The following RIT2 variants were observed in gnomAD, a reference collection of about 807,000 sequenced individuals.
RIT2 encodes Ras like without CAAX 2, also known as GTP-binding protein Rit2.
A neutral mutation model predicts 23.7 loss-of-function variants in RIT2; 24 were observed. The ratio of observed to expected loss-of-function variants is 1.01; its 90% CI spans 0.73 to 1.43. RIT2 has a LOEUF of 1.43. Ranked by LOEUF, RIT2 falls within the 40% of genes most tolerant of loss-of-function variation. The pLI, the probability that RIT2 is intolerant of heterozygous loss-of-function variation, is 0.00. For synonymous variants in RIT2, 107 were observed against 91.1 expected, an observed-to-expected ratio of 1.17 and a Z score of -0.99; for missense variants, 236 against 266.9, an observed-to-expected ratio of 0.88 and a Z score of 0.81.
chr18:43,095,405 G>A (rs765475314), intron 1 of RIT2, among the ~76,000 whole-genome samples: 102 of 151,526 alleles, frequency 6.7e-4, no homozygotes, highest in Non-Finnish European at 2.5e-4. Context: ...TTTTTGATGG[G>A]GTTAAAAAAT....
At chr18:42,962,144 A>T (rs1910107727) in intron 3 of RIT2, among the ~76,000 whole-genome samples, 1 of 152,202 alleles carries the variant, frequency 6.6e-6, no homozygotes, top group Non-Finnish European at 1.5e-5. Context: ...CCTGATATAA[A>T]ATAGTCAACC....
At position 42,855,519 on chromosome 18, in the gene RIT2, G is replaced by A. The variant is rs754264977; in HGVS notation, c.426+68053C>T. 9.2e-5 allele frequency among the ~76,000 whole-genome samples: 14 copies of A among 152,202 alleles called. No individual in the cohort carries two copies. The South Asian group carries it at 1.2e-3, about 14-fold the overall frequency. On this transcript the variant is annotated intron_variant, in intron 4 of 4. Transcript: ENST00000326695. The stretch of plus-strand genomic sequence containing the variant: ...AAAACCTGTAATGAGAACAGAAAAT[G>A]GAATAAATTCATCTATTCACTTGAC...
chr18:43,038,924 T>C (rs1912057387), intron 1 of RIT2, among the ~76,000 whole-genome samples: 1 of 152,106 alleles, frequency 6.6e-6, no homozygotes, highest in Non-Finnish European at 1.5e-5. Flanking sequence ...TCAAATTAGG[T>C]AACATTGACA....
chr18:43,025,664 A>G (rs1443260565), intron 2 of RIT2, among the ~76,000 whole-genome samples: 1 of 152,150 alleles, frequency 6.6e-6, no homozygotes, highest in Non-Finnish European at 1.5e-5. Flanking sequence ...AAATCATAAA[A>G]AAAGAAATCA....
rs55822140 is a variant in RIT2 at position 42,916,398 on chromosome 18, G to A, written c.426+7174C>T. The stretch of plus-strand genomic sequence containing the variant: ...AGCTCATAAACTGTGCAAAAAGGCA[G>A]GAATTTCTTCAAGGCTCTCTTAGGC... On this transcript the variant is annotated intron_variant, in intron 4 of 4. Transcript: ENST00000326695. Among the ~76,000 whole-genome samples, 1,004 of 152,174 alleles carry A rather than the reference G, an allele frequency of 6.6e-3. 9 individuals carry two copies. The highest frequency in any genetic ancestry group is 8.6e-3 in the Non-Finnish European group (588 of 67,988).
At chr18:42,933,252 A>C (rs953488141) in intron 3 of RIT2, among the ~76,000 whole-genome samples, 2 of 152,216 alleles carry the variant, frequency 1.3e-5, no homozygotes, top group African/African-American at 4.8e-5. Flanking sequence ...AATGAGGTAC[A>C]TCATCCTAGA....
At chr18:43,017,921 T>C (rs770927262) in intron 2 of RIT2, among the ~76,000 whole-genome samples, 24 of 152,084 alleles carry the variant, frequency 1.6e-4, no homozygotes, top group Non-Finnish European at 3.1e-4. Context: ...TCAGTAATTT[T>C]GGTGAATATA....
At chr18:43,008,803 C>T (rs1036561203) in intron 2 of RIT2, among the ~76,000 whole-genome samples, 1 of 151,360 alleles carries the variant, frequency 6.6e-6, no homozygotes, top group Non-Finnish European at 1.5e-5. Flanking sequence ...CCTTGATAAA[C>T]AAGATAATTT....
intron 2 of RIT2, among the ~76,000 whole-genome samples, chr18:42,998,122 C>G (rs1038589060): frequency 6.6e-6 from 1 of 152,052 alleles, no homozygotes; most frequent in Non-Finnish European, 1.5e-5. Flanking sequence ...TTTGTGTTCT[C>G]TTAATAAACC....
chr18:42,917,982 C>T (rs1908955850), intron 4 of RIT2, among the ~76,000 whole-genome samples: 1 of 152,138 alleles, frequency 6.6e-6, no homozygotes, highest in East Asian at 1.9e-4. Context: ...CTGCTCAGAA[C>T]TGTGTACACA....
intron 4 of RIT2, among the ~76,000 whole-genome samples, chr18:42,849,385 T>TG (rs1906989563): frequency 6.6e-6 from 1 of 152,206 alleles, no homozygotes; most frequent in Admixed American, 6.5e-5. Flanking sequence ...TAGAGTCAGA[T>TG]GACCTGGGTT....
At chr18:42,785,970 T>C in intron 4 of RIT2, among the ~76,000 whole-genome samples, 1 of 152,206 alleles carries the variant, frequency 6.6e-6, no homozygotes, top group East Asian at 1.9e-4. Context: ...TATATTATGC[T>C]ATGCCATAAT....
chr18:42,766,909 A>T (rs1007022739), intron 4 of RIT2, among the ~76,000 whole-genome samples: 1 of 152,202 alleles, frequency 6.6e-6, no homozygotes, highest in Admixed American at 6.5e-5. Flanking sequence ...TGCAGGCTCC[A>T]TGTGGTGTTG....
intron 3 of RIT2, among the ~76,000 whole-genome samples, chr18:42,954,167 C>A (rs1568038813): frequency 6.6e-6 from 1 of 151,958 alleles, no homozygotes. Context: ...CACTTGAGGT[C>A]AGGAGTTTGA....
intron 1 of RIT2, among the ~76,000 whole-genome samples, chr18:43,040,821 C>A (rs1912110728): frequency 6.6e-6 from 1 of 151,410 alleles, no homozygotes; most frequent in African/African-American, 2.4e-5. Context: ...ACTTTCCCCC[C>A]CAAAAAAAAA....
intron 1 of RIT2, among the ~76,000 whole-genome samples, chr18:43,050,361 C>A (rs566428565): frequency 6.6e-6 from 1 of 151,934 alleles, no homozygotes; most frequent in Admixed American, 6.6e-5. Flanking sequence ...AATCTACCAG[C>A]AAAAATGAAG....
chr18:43,075,625 T>C (rs2144340716), intron 1 of RIT2, among the ~76,000 whole-genome samples: 1 of 152,352 alleles, frequency 6.6e-6, no homozygotes, highest in Non-Finnish European at 1.5e-5. Flanking sequence ...TTTTCTTAAA[T>C]ATACTGCTTG....
At chr18:43,050,940 A>T (rs1912365946) in intron 1 of RIT2, among the ~76,000 whole-genome samples, 1 of 152,126 alleles carries the variant, frequency 6.6e-6, no homozygotes, top group Non-Finnish European at 1.5e-5. Flanking sequence ...ACTGGTAAAC[A>T]TAAGTAAGTG....
intron 1 of RIT2, among the ~76,000 whole-genome samples, chr18:43,038,975 T>C (rs1912059144): frequency 6.6e-6 from 1 of 152,166 alleles, no homozygotes; most frequent in African/African-American, 2.4e-5. Context: ...ATATTGTTTC[T>C]CTTTGTTTTC....
Sources: gnomAD v4.1 joint callset for allele counts (sites outside exome capture counted in the v4.1 genomes callset) on GRCh38, gnomAD v4.1.1 for gene constraint, MANE v1.5 for transcripts, NCBI Gene and HGNC (gene_info 2026-07-23, HGNC 2026-07-21) for gene names.